Variants in TM9SF3 observed in about 807,000 individuals in gnomAD.
The protein encoded by TM9SF3 is SM-11044-binding protein.
TM9SF3 carries 14 observed loss-of-function variants against 78.6 expected under a neutral mutation model. That is an observed-to-expected ratio of 0.18 (90% CI 0.12 to 0.28). TM9SF3 has a LOEUF of 0.28. TM9SF3 is among the 10% of genes least tolerant of loss of function. The pLI is 1.00. For missense variants in TM9SF3, 496 were observed against 721.9 expected, an observed-to-expected ratio of 0.69 and a Z score of 3.59; for synonymous variants, 231 against 241.7, an observed-to-expected ratio of 0.96 and a Z score of 0.41.
intron 4 of TM9SF3, among the ~76,000 whole-genome samples, chr10:96,561,617 A>G (rs571405446): frequency 3.4e-4 from 52 of 152,356 alleles, no homozygotes; most frequent in African/African-American, 1.2e-3. Flanking sequence ...ATACAGCATC[A>G]CTTCTATCTG....
rs1321162468 is a variant in TM9SF3 at position 96,586,526 on chromosome 10, C to G, written c.102+208G>C. Among the ~76,000 whole-genome samples the G allele has an allele frequency of 9.2e-5, 14 of 152,116 alleles. No individual in the cohort carries two copies. The East Asian group carries it at 2.3e-3, about 25-fold the overall frequency. ...AGACCGGGGGAAGGAGACCCTGTCA[C>G]TCGGGAGCGGAGCCCTGTCCCGGGA... is the stretch of plus-strand genomic sequence containing the variant. On this transcript the variant is annotated intron_variant, in intron 1 of 14. Transcript: ENST00000371142.
intron 9 of TM9SF3, chr10:96,543,501 A>AT (rs879628949): frequency 3.4e-4 from 50 of 145,832 alleles, no homozygotes; most frequent in Middle Eastern, 3.5e-3. Flanking sequence ...CACCTGGCTA[A>AT]TTTTTTTTTT....
At position 96,528,129 on chromosome 10, in the gene TM9SF3, A is replaced by G. The variant is rs1293390381; in HGVS notation, c.1443T>C (p.Tyr481=). The change falls in exon 12 of 15, where the codon TAT becomes TAC. Residue 481 remains tyrosine (Y), a synonymous_variant. Coordinates refer to ENST00000371142, the MANE Select transcript of TM9SF3 (RefSeq NM_020123.4). ...TAACCAGCACCAGCATCATGAAGCCATAGACATAATAGATCTTATATGCCC... is the reference window on the plus strand; with the variant it reads ...TAACCAGCACCAGCATCATGAAGCCGTAGACATAATAGATCTTATATGCCC... The part of the protein sequence containing the change: ...SFWAYKIYYV[Y]GFMMLVLVIL... 2 of 1,612,658 alleles carry G rather than the reference A, an allele frequency of 1.2e-6. No homozygotes were observed. The highest frequency in any genetic ancestry group is 2.2e-5 in the South Asian group (2 of 90,968).
Position 96,527,546 on chromosome 10 carries a change from C to T in TM9SF3, c.1542-50G>A, listed in dbSNP as rs1847853012. On this transcript the variant is annotated intron_variant, in intron 12 of 14. Transcript: ENST00000371142. The stretch of plus-strand genomic sequence containing the variant: ...ATAAATCTCTTTTGAATGAATGGCA[C>T]TAAAACAAAGATTTTAAAGCAAAGA... 2.8e-6 allele frequency: 4 copies of T among 1,415,646 alleles called. No homozygotes were observed. The East Asian group carries it at 6.9e-5, about 24-fold the overall frequency. 87.7% of individuals were successfully genotyped at this position (1,415,646 alleles called of 1,614,324 possible).
At chr10:96,536,652 C>T (rs1275995096) in intron 9 of TM9SF3, among the ~76,000 whole-genome samples, 2 of 152,150 alleles carry the variant, frequency 1.3e-5, no homozygotes, top group Non-Finnish European at 2.9e-5. Flanking sequence ...TCTGCCTCTG[C>T]CACCCCTGAG....
Position 96,562,146 on chromosome 10 carries a change from A to C in TM9SF3, c.422-8T>G, listed in dbSNP as rs536110523. On this transcript the variant is annotated splice_polypyrimidine_tract_variant and splice_region_variant and intron_variant, in intron 3 of 14. Transcript: ENST00000371142. The stretch of plus-strand genomic sequence containing the variant: ...CAGCCTCACCAACAATACCTACAAA[A>C]GAAAAAACACTTTATACAAGGTAAA... 2 of 1,604,160 alleles carry C rather than the reference A, an allele frequency of 1.2e-6. No individual in the cohort carries two copies. The highest frequency in any genetic ancestry group is 2.2e-5 in the South Asian group (2 of 90,022).
intron 4 of TM9SF3, 56 bp downstream of exon 4, chr10:96,561,922 T>C (rs1848312746): frequency 3.4e-6 from 5 of 1,452,840 alleles, no homozygotes; most frequent in Non-Finnish European, 3.8e-6. Context: ...AAGCCACAAA[T>C]TGTTGACATC....
intron 14 of TM9SF3, among the ~76,000 whole-genome samples, chr10:96,524,729 C>T (rs1325700905): frequency 6.6e-6 from 1 of 151,634 alleles, no homozygotes; most frequent in Non-Finnish European, 1.5e-5. Flanking sequence ...TTTTTTCCTA[C>T]ATTAAAAAAA....
At chr10:96,555,340 C>A (rs1382490703) in intron 5 of TM9SF3, among the ~76,000 whole-genome samples, 2 of 152,160 alleles carry the variant, frequency 1.3e-5, no homozygotes, top group Non-Finnish European at 2.9e-5. Context: ...TTTCTTCTCA[C>A]ATAGATCTAC....
intron 1 of TM9SF3, among the ~76,000 whole-genome samples, chr10:96,578,345 G>A (rs1446858604): frequency 6.6e-6 from 1 of 151,932 alleles, no homozygotes; most frequent in African/African-American, 2.4e-5. Flanking sequence ...AATCCACAGT[G>A]GAATCAGACA....
intron 6 of TM9SF3, among the ~76,000 whole-genome samples, chr10:96,551,752 T>C (rs570122344): frequency 4.6e-5 from 7 of 152,282 alleles, no homozygotes; most frequent in African/African-American, 1.4e-4. Flanking sequence ...ATTCACATCA[T>C]AGCTGTAGCT....
intron 2 of TM9SF3, among the ~76,000 whole-genome samples, chr10:96,569,054 G>T (rs1028734673): frequency 6.6e-6 from 1 of 152,118 alleles, no homozygotes; most frequent in African/African-American, 2.4e-5. Context: ...CAGGCATGGT[G>T]GTGTGTGCCT....
At chr10:96,586,635 C>G (rs11818264) in intron 1 of TM9SF3, 99 bp downstream of exon 1, 19,518 of 1,024,610 alleles carry the variant, frequency 0.019, 486 homozygotes, top group African/African-American at 0.11. Context: ...CGCAGTGGGG[C>G]ACCACCGGGC....
At position 96,527,527 on chromosome 10, in the gene TM9SF3, C is replaced by T. The variant is rs924555680; in HGVS notation, c.1542-31G>A. 6 of 1,541,510 alleles carry T rather than the reference C, an allele frequency of 3.9e-6. No homozygotes were observed. The African/African-American group carries it at 8.2e-5, about 21-fold the overall frequency. On this transcript the variant is annotated intron_variant, in intron 12 of 14. Coordinates refer to ENST00000371142, the MANE Select transcript of TM9SF3 (RefSeq NM_020123.4). ...GGGGGGAGGGGGAAAGAAGATAAAT[C>T]TCTTTTGAATGAATGGCACTAAAAC...
At chr10:96,540,276 A>C (rs1317830939) in intron 9 of TM9SF3, among the ~76,000 whole-genome samples, 2 of 152,224 alleles carry the variant, frequency 1.3e-5, no homozygotes, top group African/African-American at 2.4e-5. Context: ...TAGCATGTAC[A>C]TACTATGGCT....
chr10:96,521,712 T>A lies in TM9SF3; in HGVS notation c.*551A>T, dbSNP rs1847776744. 1 of 120,092 alleles carries A rather than the reference T, an allele frequency of 8.3e-6. No homozygotes were observed. The highest frequency in any genetic ancestry group is 8.5e-5 in the Admixed American group (1 of 11,762). 7.4% of individuals were successfully genotyped at this position (120,092 alleles called of 1,614,324 possible). On this transcript the variant is annotated 3_prime_UTR_variant, in exon 15 of 15. Coordinates refer to ENST00000371142, the MANE Select transcript of TM9SF3 (RefSeq NM_020123.4). Reference sequence around the variant, plus strand: ...TAATTCTCTCTTTTAAAAAAAAGGATGCTGTTGGATTGGGAAAAAAAAAAA... The same window carrying A: ...TAATTCTCTCTTTTAAAAAAAAGGAAGCTGTTGGATTGGGAAAAAAAAAAA...
chr10:96,584,566 G>T lies in TM9SF3; in HGVS notation c.102+2168C>A, dbSNP rs1351232008. ...CTCATGCCTGTAATCCCAGCACTTT[G>T]TGGGGCCAAGGCAGGCAGATCACTT... is the stretch of plus-strand genomic sequence containing the variant. On this transcript the variant is annotated intron_variant, in intron 1 of 14. Coordinates refer to ENST00000371142, the MANE Select transcript of TM9SF3 (RefSeq NM_020123.4). Among the ~76,000 whole-genome samples, 5 of 152,170 alleles carry T rather than the reference G, an allele frequency of 3.3e-5. No individual in the cohort carries two copies. In the South Asian group the frequency reaches 1.0e-3, roughly 31 times the overall value.
chr10:96,547,944 C>G lies in TM9SF3; in HGVS notation c.1005G>C (p.Thr335=), dbSNP rs772268876. ...LSTAIFVYAA[T]SPVNGYFGGS... Reference sequence around the variant, plus strand: ...CTCCAAAATAACCATTCACTGGAGACGTAGCAGCATAGACAAATATGGCTG... The same window carrying G: ...CTCCAAAATAACCATTCACTGGAGAGGTAGCAGCATAGACAAATATGGCTG... Residue 335 remains threonine, a synonymous_variant, in exon 8 of 15, where the codon ACG becomes ACC. Coordinates refer to ENST00000371142, the MANE Select transcript of TM9SF3 (RefSeq NM_020123.4). 6.2e-7 allele frequency: 1 copy of G among 1,613,236 alleles called. No individual in the cohort carries two copies. Among genetic ancestry groups the G allele is most frequent in the Non-Finnish European group, 8.5e-7 (1 of 1,179,728 alleles).
intron 1 of TM9SF3, among the ~76,000 whole-genome samples, chr10:96,585,297 C>T (rs1589467875): frequency 6.6e-6 from 1 of 152,070 alleles, no homozygotes; most frequent in East Asian, 1.9e-4. Flanking sequence ...GATGGATGCC[C>T]ACTGAAAATT....
Sources: allele counts gnomAD v4.1 joint callset (sites outside exome capture counted in the v4.1 genomes callset), GRCh38; gene constraint gnomAD v4.1.1; transcripts MANE v1.5; gene names NCBI Gene and HGNC (gene_info 2026-07-23, HGNC 2026-07-21).